Variants in YLPM1 observed in about 807,000 individuals in gnomAD.
YLPM1 encodes YLP motif-containing protein 1.
YLPM1 carries 99 observed loss-of-function variants against 230.0 expected under a neutral mutation model. The observed-to-expected ratio is 0.43, with a 90% CI of 0.37 to 0.51. The LOEUF (loss-of-function observed/expected upper bound fraction) is 0.51. Among genes scored for constraint, YLPM1 ranks in the 20% least tolerant of loss-of-function variants. YLPM1 has a pLI of 0.00. For synonymous variants in YLPM1, 984 were observed against 942.5 expected (o/e 1.04, Z -0.81); for missense variants, 2,592 against 2,707.7 (o/e 0.96, Z 0.95).
intron 19 of YLPM1, among the ~76,000 whole-genome samples, chr14:74,834,183 TA>T (rs5809680): frequency 0.16 from 20,719 of 130,234 alleles, 1,547 homozygotes; most frequent in South Asian, 0.31. Context: ...ACTCTGACTC[TA>T]AAAAAAAAAA....
At chr14:74,774,331 C>T (rs1039553562) in intron 1 of YLPM1, among the ~76,000 whole-genome samples, 1 of 152,210 alleles carries the variant, frequency 6.6e-6, no homozygotes, top group African/African-American at 2.4e-5. Flanking sequence ...CTCCTGGGTT[C>T]AAGCGAGTCT....
chr14:74,768,651 A>T (rs2090938869), intron 1 of YLPM1, among the ~76,000 whole-genome samples: 1 of 152,192 alleles, frequency 6.6e-6, no homozygotes, highest in African/African-American at 2.4e-5. Context: ...TCATTTATTT[A>T]ATGTTTAAAT....
chr14:74,806,850 T>C (rs927396574), intron 6 of YLPM1, among the ~76,000 whole-genome samples: 2 of 151,710 alleles, frequency 1.3e-5, no homozygotes, highest in African/African-American at 4.8e-5. Flanking sequence ...ATAATATAGA[T>C]ATTAACCCTT....
At chr14:74,768,103 T>C (rs1348695280) in intron 1 of YLPM1, among the ~76,000 whole-genome samples, 1 of 152,146 alleles carries the variant, frequency 6.6e-6, no homozygotes, top group Non-Finnish European at 1.5e-5. Flanking sequence ...ACAGTTACTA[T>C]ATGGAGTTAT....
At chr14:74,769,259 CTTTTTTTTTTTTT>C (rs34023289) in intron 1 of YLPM1, among the ~76,000 whole-genome samples, 23 of 38,410 alleles carry the variant, frequency 6.0e-4, no homozygotes, top group Middle Eastern at 0.026. Flanking sequence ...GTATTTTTAT[CTTTTTTTTTTTTT>C]TTTTTTTTTT....
intron 4 of YLPM1, among the ~76,000 whole-genome samples, chr14:74,791,781 A>G (rs897507791): frequency 2.0e-5 from 3 of 152,228 alleles, no homozygotes; most frequent in Non-Finnish European, 4.4e-5. Context: ...GCACCAGCTC[A>G]TTACCTGACA....
In YLPM1 at chr14:74,809,975, C is replaced by T. The variant is rs1251520517; in HGVS notation, c.5005C>T (p.Leu1669=). 4 of 1,607,940 alleles carry T rather than the reference C, an allele frequency of 2.5e-6. No individual in the cohort carries two copies. The highest frequency in any genetic ancestry group is 1.1e-5 in the South Asian group (1 of 89,724). Residue 1669 remains leucine, a synonymous_variant, in exon 8 of 21, where the codon CTA becomes TTA. Coordinates refer to ENST00000325680, the MANE Select transcript of YLPM1 (RefSeq NM_019589.3). ...AAGAATAACTCTACGCCCAGATCCA[C>T]TACCTGAAAGATCAACTTTTGAGAC... is the stretch of plus-strand genomic sequence containing the variant. The part of the protein sequence containing the change: ...GERITLRPDP[L]PERSTFETEH...
intron 2 of YLPM1, among the ~76,000 whole-genome samples, chr14:74,779,587 C>CA (rs1461226765): frequency 6.8e-6 from 1 of 147,440 alleles, no homozygotes. Context: ...TGAAAAGTGA[C>CA]AAAAAAAGAA....
intron 3 of YLPM1, among the ~76,000 whole-genome samples, chr14:74,781,000 G>A (rs10137224): frequency 0.15 from 22,297 of 152,142 alleles, 1,785 homozygotes; most frequent in South Asian, 0.3. Context: ...TCTTTGAGGG[G>A]TAATGTTGTG....
At chr14:74,800,552 G>A (rs538150312) in intron 5 of YLPM1, among the ~76,000 whole-genome samples, 4 of 152,240 alleles carry the variant, frequency 2.6e-5, no homozygotes, top group African/African-American at 9.6e-5. Context: ...TAATGATTAG[G>A]TTTTGATAAA....
At position 74,798,008 on chromosome 14, in the gene YLPM1, A is replaced by G. The variant is rs1223686435; in HGVS notation, c.2711A>G (p.Asp904Gly). 6 of 1,613,478 alleles carry G rather than the reference A, an allele frequency of 3.7e-6. No homozygotes were observed. The highest frequency in any genetic ancestry group is 5.1e-6 in the Non-Finnish European group (6 of 1,179,688). Residue 904 changes from aspartate to glycine, a missense_variant, in exon 5 of 21, where the codon GAC becomes GGC. Physicochemically the swap from Asp to Gly is moderately conservative, Grantham distance 94. This residue lies in a region of YLPM1 where 1,862 missense variants were observed against 1,819.8 expected (regional missense o/e 1.02). Coordinates refer to ENST00000325680, the MANE Select transcript of YLPM1 (RefSeq NM_019589.3). ...KAAQSNENLS[D>G]SQQEPPKSEV... ...GCTCAGTCAAATGAGAATCTAAGCG[A>G]CTCTCAACAAGAGCCACCTAAAAGT...
At chr14:74,779,934 G>A (rs1439216433) in intron 2 of YLPM1, among the ~76,000 whole-genome samples, 1 of 152,008 alleles carries the variant, frequency 6.6e-6, no homozygotes, top group African/African-American at 2.4e-5. Context: ...CTCCCAAGTA[G>A]GTGAGATTAC....
chr14:74,778,185 G>A (rs913831576), intron 1 of YLPM1, among the ~76,000 whole-genome samples: 2 of 152,170 alleles, frequency 1.3e-5, no homozygotes, highest in African/African-American at 4.8e-5. Flanking sequence ...ACCTCCAAAA[G>A]CATGTGTTTT....
Position 74,764,154 on chromosome 14 carries a change from A to G in YLPM1, c.665A>G (p.Gln222Arg). ...SSSQSYLSHS[Q>R]SYLPSSQASP... ...TCGCAATCCTATTTGAGCCATTCCC[A>G]GTCCTACTTGCCCTCTTCTCAGGCA... The change falls in exon 1 of 21, where the codon CAG becomes CGG. Residue 222 changes from glutamine (Q) to arginine (R), a missense_variant. Gln to Arg is a conservative substitution (Grantham distance 43). Transcript: ENST00000325680. 3 of 1,612,668 alleles carry G rather than the reference A, an allele frequency of 1.9e-6. No homozygotes were observed. The highest frequency in any genetic ancestry group is 2.5e-6 in the Non-Finnish European group (3 of 1,179,622).
At chr14:74,810,190 G>A (rs1451649735) in intron 8 of YLPM1, 35 bp from the exon 9 acceptor site, 2 of 1,592,164 alleles carry the variant, frequency 1.3e-6, no homozygotes, top group African/African-American at 1.4e-5. Flanking sequence ...TTCTATAAAA[G>A]GGATATAGTT....
At position 74,764,261 on chromosome 14, in the gene YLPM1, A is replaced by G; in HGVS notation, c.772A>G (p.Thr258Ala). 6.2e-7 allele frequency: 1 copy of G among 1,613,876 alleles called. No homozygotes were observed. Among genetic ancestry groups the G allele is most frequent in the East Asian group, 2.2e-5 (1 of 44,876 alleles). The part of the protein sequence containing the change: ...PPPSAPPGNK[T>A]TVQQEPLESG... The stretch of plus-strand genomic sequence containing the variant: ...ACCGTCCGCCCCCCCTGGAAATAAG[A>G]CAACTGTCCAGCAAGAGCCTTTGGA... The change falls in exon 1 of 21, where the codon ACA (threonine) becomes GCA (alanine). Residue 258 changes from threonine to alanine, a missense_variant. Around this residue, in one of 4 missense-constraint regions of YLPM1, gnomAD observed 1,862 missense variants for 1,819.8 expected, o/e 1.02. Transcript: ENST00000325680.
chr14:74,763,828 G>A lies in YLPM1; in HGVS notation c.339G>A (p.Pro113=). The A allele has an allele frequency of 2.0e-6, 3 of 1,505,470 alleles. No homozygotes were observed. Among genetic ancestry groups the A allele is most frequent in the South Asian group, 2.7e-5 (2 of 74,656 alleles). The allele number at this position is 1,505,470 out of a possible 1,614,324, so 93.3% of individuals were successfully genotyped here. A position where few individuals can be genotyped will look rare whatever the true frequency, so the allele number is the denominator to read the frequency against. ...PPPPMPPPPG[P]ALSYQKQQQY... ...CACCGATGCCCCCGCCACCCGGGCC[G>A]GCCCTCAGCTATCAGAAGCAGCAGC... Residue 113 remains proline (P), a synonymous_variant, in exon 1 of 21, where the codon CCG becomes CCA. Coordinates refer to ENST00000325680, the MANE Select transcript of YLPM1 (RefSeq NM_019589.3).
Position 74,827,465 on chromosome 14 carries a change from A to G in YLPM1, c.6164-1748A>G, listed in dbSNP as rs558237698. ...TAAAATTTCAAATTAAACATTTCAA[A>G]AAGGGTGCTCAGACTAGAAATACAT... On this transcript the variant is annotated intron_variant, in intron 18 of 20. Transcript: ENST00000325680. The G allele has an allele frequency of 3.0e-6, 3 of 985,436 alleles. No homozygotes were observed. In the South Asian group the frequency reaches 1.4e-4, roughly 46 times the overall value. 61.0% of individuals were successfully genotyped at this position (985,436 alleles called of 1,614,324 possible).
chr14:74,834,177 T>A (rs1001485668), intron 19 of YLPM1, among the ~76,000 whole-genome samples: 3 of 139,084 alleles, frequency 2.2e-5, no homozygotes, highest in African/African-American at 8.5e-5. Context: ...AGTGAGACTC[T>A]GACTCTAAAA....
Sources: gnomAD v4.1 joint callset for allele counts (sites outside exome capture counted in the v4.1 genomes callset) on GRCh38, gnomAD v4.1.1 for gene constraint, gnomAD v4.1.1 regional missense constraint, MANE v1.5 for transcripts, NCBI Gene and HGNC (gene_info 2026-07-23, HGNC 2026-07-21) for gene names.